The following CTNNA3 variants were observed in gnomAD, a reference collection of about 807,000 sequenced individuals.
The protein encoded by CTNNA3 is catenin alpha 3, also known as catenin alpha-3.
CTNNA3 carries 76 observed loss-of-function variants against 95.7 expected under a neutral mutation model. The observed-to-expected ratio is 0.79, with a 90% CI of 0.66 to 0.96. The LOEUF is 0.96. Among genes scored for constraint, CTNNA3 ranks in the 40% least tolerant of loss-of-function variants. The probability of loss-of-function intolerance (pLI) is 0.00; values close to 1 mark genes in which losing one functional copy is unlikely to be tolerated. For missense variants in CTNNA3, 1,191 were observed against 1,089.8 expected, an observed-to-expected ratio of 1.09 and a Z score of -1.31; for synonymous variants, 431 against 374.4, an observed-to-expected ratio of 1.15 and a Z score of -1.74.
At chr10:67,725,902 T>A (rs1285577850) in intron 1 of CTNNA3, among the ~76,000 whole-genome samples, 1 of 140,240 alleles carries the variant, frequency 7.1e-6, no homozygotes, top group African/African-American at 2.7e-5. Flanking sequence ...ATAATATATA[T>A]AATTATATAT....
intron 7 of CTNNA3, among the ~76,000 whole-genome samples, chr10:67,093,049 C>A (rs1025055114): frequency 6.6e-6 from 1 of 151,876 alleles, no homozygotes; most frequent in Non-Finnish European, 1.5e-5. Flanking sequence ...TCTTGGAAAA[C>A]GGTGATTTAG....
At chr10:67,749,839 A>G (rs1841395026) in intron 1 of CTNNA3, among the ~76,000 whole-genome samples, 1 of 152,208 alleles carries the variant, frequency 6.6e-6, no homozygotes, top group Non-Finnish European at 1.5e-5. Flanking sequence ...AGACAGAGAC[A>G]TGAAAAACCC....
At chr10:67,524,081 G>C (rs1178844721) in intron 4 of CTNNA3, among the ~76,000 whole-genome samples, 4 of 152,018 alleles carry the variant, frequency 2.6e-5, no homozygotes, top group Non-Finnish European at 5.9e-5. Context: ...ACTCCAAATG[G>C]GAACTTTAGA....
At chr10:66,118,333 G>T (rs1374122910) in intron 13 of CTNNA3, 2 of 152,026 alleles carry the variant, frequency 1.3e-5, no homozygotes, top group Non-Finnish European at 2.9e-5. Context: ...TGCATATATA[G>T]ATTGAAATGT....
chr10:67,233,810 T>C (rs1435863559), intron 5 of CTNNA3, among the ~76,000 whole-genome samples: 1 of 151,634 alleles, frequency 6.6e-6, no homozygotes, highest in Admixed American at 6.6e-5. Flanking sequence ...ATAGATGCAA[T>C]AAAAAATGAT....
At chr10:67,330,987 T>A (rs1310489150) in intron 5 of CTNNA3, among the ~76,000 whole-genome samples, 3 of 152,208 alleles carry the variant, frequency 2.0e-5, no homozygotes, top group African/African-American at 7.2e-5. Flanking sequence ...ATAAATATTA[T>A]GAAAATACTT....
At chr10:66,877,942 G>A (rs879285780) in intron 7 of CTNNA3, among the ~76,000 whole-genome samples, 1 of 152,114 alleles carries the variant, frequency 6.6e-6, no homozygotes, top group African/African-American at 2.4e-5. Context: ...TGTTAAAGTC[G>A]CTAAGGCACT....
intron 5 of CTNNA3, among the ~76,000 whole-genome samples, chr10:67,486,803 T>C (rs929494584): frequency 6.6e-6 from 1 of 152,190 alleles, no homozygotes; most frequent in Non-Finnish European, 1.5e-5. Context: ...TCCTTTGTTT[T>C]ATATATGAAG....
At position 66,444,990 on chromosome 10, in the gene CTNNA3, A is replaced by T. The variant is rs532580929; in HGVS notation, c.1532-65638T>A. Among the ~76,000 whole-genome samples, 42 of 152,224 alleles carry T rather than the reference A, an allele frequency of 2.8e-4. No individual in the cohort carries two copies. The East Asian group carries it at 8.1e-3, about 29-fold the overall frequency. On this transcript the variant is annotated intron_variant, in intron 11 of 17. Coordinates refer to ENST00000433211, the MANE Select transcript of CTNNA3 (RefSeq NM_013266.4). ...AAGGATGGAGGAAGATCTACCAAGC[A>T]AATGGAAAACAAAAAAAGGCAGGGG...
At chr10:67,008,395 C>A (rs1852130663) in intron 7 of CTNNA3, among the ~76,000 whole-genome samples, 1 of 152,062 alleles carries the variant, frequency 6.6e-6, no homozygotes, top group South Asian at 2.1e-4. Flanking sequence ...TAGTTGGAAT[C>A]CCTCCATACC....
chr10:67,641,789 T>C (rs918534834), intron 2 of CTNNA3, among the ~76,000 whole-genome samples: 22 of 152,110 alleles, frequency 1.4e-4, no homozygotes, highest in African/African-American at 5.3e-4. Context: ...TTCTCACTCA[T>C]AGGTGGGAAT....
chr10:67,085,481 A>C (rs1013715000), intron 7 of CTNNA3, among the ~76,000 whole-genome samples: 8 of 151,958 alleles, frequency 5.3e-5, no homozygotes, highest in Non-Finnish European at 7.4e-5. Context: ...TATTACCTCC[A>C]ATCAGTCAAC....
intron 1 of CTNNA3, among the ~76,000 whole-genome samples, chr10:67,739,593 C>A (rs1589586064): frequency 6.6e-6 from 1 of 151,732 alleles, no homozygotes; most frequent in South Asian, 2.1e-4. Flanking sequence ...AGGAATCCAC[C>A]TTACAAGGGA....
chr10:66,195,502 A>G (rs6480146), intron 13 of CTNNA3, among the ~76,000 whole-genome samples: 152,246 of 152,268 alleles, frequency 1, 76,113 homozygotes, highest in Middle Eastern at 1. Context: ...TTGGAGATAC[A>G]TACATAATAG....
intron 9 of CTNNA3, among the ~76,000 whole-genome samples, chr10:66,756,716 C>T (rs530734852): frequency 6.6e-6 from 1 of 152,240 alleles, no homozygotes; most frequent in South Asian, 2.1e-4. Flanking sequence ...CAAGATAAAT[C>T]ACTACAGGAA....
intron 7 of CTNNA3, among the ~76,000 whole-genome samples, chr10:66,795,485 A>T (rs1348100023): frequency 6.6e-6 from 1 of 152,148 alleles, no homozygotes; most frequent in Non-Finnish European, 1.5e-5. Flanking sequence ...ATTTGCTGTC[A>T]TCTAGGCTTT....
At chr10:66,971,316 C>A (rs1241332851) in intron 7 of CTNNA3, among the ~76,000 whole-genome samples, 3 of 152,096 alleles carry the variant, frequency 2.0e-5, no homozygotes, top group African/African-American at 7.2e-5. Flanking sequence ...ATTCCAGCTA[C>A]TCAGGAGGCT....
intron 5 of CTNNA3, among the ~76,000 whole-genome samples, chr10:67,428,513 A>G (rs1334624787): frequency 1.3e-5 from 2 of 152,110 alleles, no homozygotes; most frequent in East Asian, 3.9e-4. Context: ...GCATTATAAC[A>G]TAGCTTAATA....
rs145026894 is a variant in CTNNA3 at position 67,255,310 on chromosome 10, A to T, written c.580-35440T>A. On this transcript the variant is annotated intron_variant, in intron 5 of 17. Transcript: ENST00000433211. ...AACTCCATCTCAAAAATAAATAAAT[A>T]AATAAATAAATTAATTAATTAATTT... Among the ~76,000 whole-genome samples the T allele has an allele frequency of 9.9e-3, 1,501 of 151,874 alleles. 16 individuals carry two copies. The highest frequency in any genetic ancestry group is 0.067 in the East Asian group (345 of 5,150).
Sources: gnomAD v4.1 joint callset for allele counts (sites outside exome capture counted in the v4.1 genomes callset) on GRCh38, gnomAD v4.1.1 for gene constraint, MANE v1.5 for transcripts, NCBI Gene and HGNC (gene_info 2026-07-23, HGNC 2026-07-21) for gene names.